SDHAF3: variants seen among roughly 807,000 people sequenced by gnomAD.
SDHAF3 encodes succinate dehydrogenase complex assembly factor 3.
SDHAF3 carries 18 observed loss-of-function variants against 11.5 expected under a neutral mutation model. The ratio of observed to expected loss-of-function variants is 1.56; its 90% CI spans 1.08 to 2.32. SDHAF3 has a LOEUF of 2.32. Among genes scored for constraint, SDHAF3 ranks in the 30% most tolerant of loss-of-function variants. The pLI, the probability that SDHAF3 is intolerant of heterozygous loss-of-function variation, is 0.00. For missense variants in SDHAF3, 200 were observed against 154.4 expected, an observed-to-expected ratio of 1.30 and a Z score of -1.57; for synonymous variants, 72 against 59.3, an observed-to-expected ratio of 1.21 and a Z score of -0.99.
In SDHAF3 at chr7:97,138,579, G is replaced by A. The variant is rs115801336; in HGVS notation, c.174+20682G>A. Among the ~76,000 whole-genome samples, 874 of 150,584 alleles carry A rather than the reference G, an allele frequency of 5.8e-3. 7 individuals carry two copies. The highest frequency in any genetic ancestry group is 0.02 in the African/African-American group (832 of 41,052). ...GTAACACTTTTAATGATTATCTGAC[G>A]TTGATTAACATCTAGCCACTTACTC... On this transcript the variant is annotated intron_variant, in intron 1 of 1. Coordinates refer to ENST00000432641, the MANE Select transcript of SDHAF3 (RefSeq NM_020186.3).
At chr7:97,163,168 CTTTTTTTTTT>C (rs58956333) in intron 1 of SDHAF3, among the ~76,000 whole-genome samples, 31 of 125,030 alleles carry the variant, frequency 2.5e-4, no homozygotes, top group African/African-American at 9.1e-4. Flanking sequence ...GTTTAAAGTC[CTTTTTTTTTT>C]TTTTTTTTTA....
chr7:97,121,654 G>A (rs1331142052), intron 1 of SDHAF3, among the ~76,000 whole-genome samples: 1 of 152,156 alleles, frequency 6.6e-6, no homozygotes, highest in African/African-American at 2.4e-5. Flanking sequence ...ATAGACAATT[G>A]TAATATAGTA....
intron 1 of SDHAF3, among the ~76,000 whole-genome samples, chr7:97,137,013 T>C (rs1306730625): frequency 6.6e-6 from 1 of 152,194 alleles, no homozygotes; most frequent in Non-Finnish European, 1.5e-5. Flanking sequence ...TATAGGGTTT[T>C]GTATTTTGTT....
chr7:97,180,315 A>G (rs562588743), intron 1 of SDHAF3, among the ~76,000 whole-genome samples: 6 of 152,212 alleles, frequency 3.9e-5, no homozygotes, highest in Non-Finnish European at 7.3e-5. Flanking sequence ...ATAGGATGAA[A>G]GCATGTCCTT....
intron 1 of SDHAF3, among the ~76,000 whole-genome samples, chr7:97,139,613 G>A (rs1788999823): frequency 6.6e-6 from 1 of 152,200 alleles, no homozygotes; most frequent in African/African-American, 2.4e-5. Context: ...ACTGCCTTTG[G>A]TTTGAAATTG....
At chr7:97,151,444 G>A (rs559219130) in intron 1 of SDHAF3, among the ~76,000 whole-genome samples, 218 of 151,976 alleles carry the variant, frequency 1.4e-3, no homozygotes, top group African/African-American at 4.9e-3. Flanking sequence ...AATATCTCGG[G>A]GAGCAGCCCT....
intron 1 of SDHAF3, among the ~76,000 whole-genome samples, chr7:97,137,004 A>G (rs1328099279): frequency 1.3e-5 from 2 of 152,100 alleles, no homozygotes; most frequent in South Asian, 2.1e-4. Context: ...TTCTTTAAAT[A>G]TAGGGTTTTG....
At chr7:97,153,668 G>T (rs1475049815) in intron 1 of SDHAF3, among the ~76,000 whole-genome samples, 1 of 152,094 alleles carries the variant, frequency 6.6e-6, no homozygotes, top group Admixed American at 6.6e-5. Flanking sequence ...TTCCACCAGC[G>T]GTGAATGAGA....
intron 1 of SDHAF3, among the ~76,000 whole-genome samples, chr7:97,143,664 A>AGT (rs1562824030): frequency 7.1e-5 from 8 of 112,460 alleles, no homozygotes; most frequent in African/African-American, 2.4e-4. Context: ...GTAGTGTTCC[A>AGT]CTGTGTGTGT....
At chr7:97,164,705 T>C (rs1167102682) in intron 1 of SDHAF3, among the ~76,000 whole-genome samples, 1 of 152,096 alleles carries the variant, frequency 6.6e-6, no homozygotes, top group Non-Finnish European at 1.5e-5. Context: ...AGCTATGACA[T>C]TTATGCCCTA....
At chr7:97,165,576 A>G (rs1329445646) in intron 1 of SDHAF3, among the ~76,000 whole-genome samples, 1 of 152,134 alleles carries the variant, frequency 6.6e-6, no homozygotes, top group African/African-American at 2.4e-5. Flanking sequence ...AACACCTCCA[A>G]ATAATCATGT....
intron 1 of SDHAF3, among the ~76,000 whole-genome samples, chr7:97,149,669 TTGTC>T (rs1424136017): frequency 3.9e-5 from 6 of 152,226 alleles, no homozygotes; most frequent in East Asian, 1.9e-4. Flanking sequence ...ATGCTAATGA[TTGTC>T]TGTCAGCAAG....
intron 1 of SDHAF3, among the ~76,000 whole-genome samples, chr7:97,148,430 A>G (rs1277613386): frequency 1.3e-5 from 2 of 152,136 alleles, no homozygotes; most frequent in Non-Finnish European, 2.9e-5. Flanking sequence ...CCAGCTGCCC[A>G]GGATGCCGAG....
rs1292602391 is a variant in SDHAF3 at position 97,157,220 on chromosome 7, T to G, written c.175-23792T>G. On this transcript the variant is annotated intron_variant, in intron 1 of 1. Coordinates refer to ENST00000432641, the MANE Select transcript of SDHAF3 (RefSeq NM_020186.3). ...TAAAAGAATTTCAAAAGTTGTCATT[T>G]TACTGGCTTCCTGAGTTGATTCTTT... Among the ~76,000 whole-genome samples, 3 of 152,248 alleles carry G rather than the reference T, an allele frequency of 2.0e-5. No individual in the cohort carries two copies. In the East Asian group the frequency reaches 5.8e-4, roughly 29 times the overall value.
intron 1 of SDHAF3, among the ~76,000 whole-genome samples, chr7:97,152,529 A>G (rs894332456): frequency 6.6e-6 from 1 of 152,236 alleles, no homozygotes; most frequent in African/African-American, 2.4e-5. Flanking sequence ...TCTGAAAAAT[A>G]TGTCAAACAT....
chr7:97,175,139 A>G (rs1197534713), intron 1 of SDHAF3, among the ~76,000 whole-genome samples: 13 of 152,198 alleles, frequency 8.5e-5, no homozygotes, highest in Admixed American at 8.5e-4. Flanking sequence ...AAATGCTGGT[A>G]AGAAGAAATC....
At chr7:97,151,576 G>A (rs1244529921) in intron 1 of SDHAF3, among the ~76,000 whole-genome samples, 1 of 149,468 alleles carries the variant, frequency 6.7e-6, no homozygotes, top group African/African-American at 2.5e-5. Context: ...TCCGCTCACT[G>A]CAAGCTCTGC....
At chr7:97,175,516 T>A (rs1041659781) in intron 1 of SDHAF3, among the ~76,000 whole-genome samples, 1 of 152,228 alleles carries the variant, frequency 6.6e-6, no homozygotes, top group Non-Finnish European at 1.5e-5. Context: ...TTTGGTTTAC[T>A]AAAAACTAAG....
intron 1 of SDHAF3, among the ~76,000 whole-genome samples, chr7:97,179,622 C>CG (rs1201229382): frequency 7.9e-5 from 12 of 151,930 alleles, no homozygotes; most frequent in African/African-American, 2.9e-4. Context: ...ATTATCAAGA[C>CG]GGGGAGAGGG....
Sources: gnomAD v4.1 joint callset for allele counts (sites outside exome capture counted in the v4.1 genomes callset) on GRCh38, gnomAD v4.1.1 for gene constraint, MANE v1.5 for transcripts, NCBI Gene and HGNC (gene_info 2026-07-23, HGNC 2026-07-21) for gene names.